The following CDH13 variants were observed in gnomAD, a reference collection of about 807,000 sequenced individuals.
The protein encoded by CDH13 is cadherin 13.
A neutral mutation model predicts 63.8 loss-of-function variants in CDH13; 24 were observed. The ratio of observed to expected loss-of-function variants is 0.38; its 90% CI spans 0.27 to 0.53. The LOEUF (loss-of-function observed/expected upper bound fraction) is 0.53. CDH13 is among the 20% of genes least tolerant of loss of function. The pLI is 0.85. For synonymous variants in CDH13, 503 were observed against 355.3 expected (o/e 1.42, Z -4.67); for missense variants, 1,049 against 903.1 (o/e 1.16, Z -2.07).
At chr16:82,996,387 A>G (rs753941108) in intron 2 of CDH13, among the ~76,000 whole-genome samples, 1 of 152,198 alleles carries the variant, frequency 6.6e-6, no homozygotes, top group Non-Finnish European at 1.5e-5. Context: ...AGCACAGTGC[A>G]TACTTCTTTG....
At position 83,521,760 on chromosome 16, in the gene CDH13, C is replaced by T. The variant is rs115396829; in HGVS notation, c.960+35105C>T. 3.7e-3 allele frequency among the ~76,000 whole-genome samples: 562 copies of T among 152,264 alleles called. 1 individual carries two copies. Among genetic ancestry groups the T allele is most frequent in the African/African-American group, 0.013 (529 of 41,556 alleles). ...TGCAACCTGGGTGCATGGAACCAGC[C>T]CTGGCTTCAGAGTTAGAGGGGCCTG... On this transcript the variant is annotated intron_variant, in intron 7 of 13. Coordinates refer to ENST00000567109, the MANE Select transcript of CDH13 (RefSeq NM_001257.5).
At chr16:83,437,407 G>A (rs1274579743) in intron 6 of CDH13, among the ~76,000 whole-genome samples, 2 of 152,154 alleles carry the variant, frequency 1.3e-5, no homozygotes, top group Non-Finnish European at 2.9e-5. Flanking sequence ...CGGGTACGGT[G>A]GCTCATGCCT....
At chr16:82,965,927 C>T (rs1022493527) in intron 2 of CDH13, among the ~76,000 whole-genome samples, 2 of 152,128 alleles carry the variant, frequency 1.3e-5, no homozygotes, top group Non-Finnish European at 2.9e-5. Context: ...CATAGCTGCC[C>T]AGTGGAGAAA....
At chr16:83,239,648 A>G (rs1254474450) in intron 5 of CDH13, among the ~76,000 whole-genome samples, 12 of 152,138 alleles carry the variant, frequency 7.9e-5, no homozygotes. Context: ...CTGGAGCTAA[A>G]TCTGTCTTTT....
chr16:83,025,040 G>A (rs1915673204), intron 2 of CDH13, among the ~76,000 whole-genome samples: 1 of 152,176 alleles, frequency 6.6e-6, no homozygotes, highest in Non-Finnish European at 1.5e-5. Context: ...GGAGGAGGTA[G>A]AAAAATCAGC....
intron 1 of CDH13, among the ~76,000 whole-genome samples, chr16:82,682,660 G>A: frequency 6.6e-6 from 1 of 152,172 alleles, no homozygotes; most frequent in Non-Finnish European, 1.5e-5. Flanking sequence ...AATTCAAATA[G>A]GAAGTCTCCA....
intron 1 of CDH13, among the ~76,000 whole-genome samples, chr16:82,639,790 T>C (rs1180814986): frequency 6.6e-6 from 1 of 152,226 alleles, no homozygotes; most frequent in African/African-American, 2.4e-5. Context: ...CCAGCTCCAT[T>C]TTCCGTACTA....
chr16:83,135,696 G>A (rs898528236), intron 4 of CDH13, among the ~76,000 whole-genome samples: 1 of 152,160 alleles, frequency 6.6e-6, no homozygotes, highest in Non-Finnish European at 1.5e-5. Context: ...AGGAAAAGAA[G>A]TCATTATATG....
chr16:83,364,681 G>A (rs2091225596), intron 6 of CDH13, among the ~76,000 whole-genome samples: 1 of 152,146 alleles, frequency 6.6e-6, no homozygotes, highest in African/African-American at 2.4e-5. Context: ...GGACTTTTAT[G>A]AATGTTTCTT....
intron 4 of CDH13, among the ~76,000 whole-genome samples, chr16:83,132,424 AC>A (rs1406101779): frequency 3.9e-5 from 3 of 76,616 alleles, no homozygotes; most frequent in South Asian, 7.6e-4. Flanking sequence ...CTTAATTTCT[AC>A]CCCCCACCCA....
intron 1 of CDH13, among the ~76,000 whole-genome samples, chr16:82,786,340 A>G (rs2035999983): frequency 6.6e-6 from 1 of 152,138 alleles, no homozygotes; most frequent in Non-Finnish European, 1.5e-5. Context: ...CAAAATGGAC[A>G]CTATCCCAAT....
At chr16:83,619,298 A>G (rs1046048545) in intron 8 of CDH13, among the ~76,000 whole-genome samples, 4 of 152,186 alleles carry the variant, frequency 2.6e-5, no homozygotes, top group African/African-American at 9.7e-5. Flanking sequence ...CAGCACATCG[A>G]TCCTGAATGA....
At chr16:83,212,286 T>A (rs1471511308) in intron 4 of CDH13, among the ~76,000 whole-genome samples, 1 of 152,166 alleles carries the variant, frequency 6.6e-6, no homozygotes, top group Non-Finnish European at 1.5e-5. Flanking sequence ...AGTTGGAATA[T>A]GCTGGGGTCC....
At chr16:83,099,820 C>T (rs1159340484) in intron 3 of CDH13, among the ~76,000 whole-genome samples, 1 of 152,110 alleles carries the variant, frequency 6.6e-6, no homozygotes, top group South Asian at 2.1e-4. Flanking sequence ...TTGAAAAGTG[C>T]TCAGCATAGC....
chr16:83,115,437 G>A (rs1425794970), intron 3 of CDH13, among the ~76,000 whole-genome samples: 1 of 152,228 alleles, frequency 6.6e-6, no homozygotes, highest in Non-Finnish European at 1.5e-5. Context: ...ATAAAGGTTA[G>A]AAGGAACCAG....
intron 3 of CDH13, among the ~76,000 whole-genome samples, chr16:83,033,317 G>A (rs953075623): frequency 1.3e-5 from 2 of 151,728 alleles, no homozygotes; most frequent in African/African-American, 4.9e-5. Context: ...TATATATACG[G>A]TGTATATGTA....
intron 6 of CDH13, among the ~76,000 whole-genome samples, chr16:83,466,645 TG>T (rs1047964988): frequency 3.9e-5 from 6 of 151,912 alleles, no homozygotes; most frequent in Non-Finnish European, 8.8e-5. Flanking sequence ...TGAAACGGAG[TG>T]GGGGGCTCAG....
intron 10 of CDH13, among the ~76,000 whole-genome samples, chr16:83,723,885 T>TGGAC (rs752253848): frequency 2.6e-5 from 4 of 152,088 alleles, no homozygotes; most frequent in Non-Finnish European, 5.9e-5. Context: ...GATGGATGGA[T>TGGAC]GGATGGATGG....
intron 5 of CDH13, among the ~76,000 whole-genome samples, chr16:83,327,469 C>A (rs1369144855): frequency 6.6e-6 from 1 of 152,196 alleles, no homozygotes; most frequent in South Asian, 2.1e-4. Context: ...AAACTCAAAG[C>A]CCTTAGCTAA....
Sources: gnomAD v4.1 joint callset for allele counts (sites outside exome capture counted in the v4.1 genomes callset) on GRCh38, gnomAD v4.1.1 for gene constraint, MANE v1.5 for transcripts, NCBI Gene and HGNC (gene_info 2026-07-23, HGNC 2026-07-21) for gene names.